The following GRIK4 variants were observed in gnomAD, a reference collection of about 807,000 sequenced individuals.
GRIK4 encodes the protein glutamate receptor ionotropic, kainate 4.
GRIK4 carries 40 observed loss-of-function variants against 104.9 expected under a neutral mutation model. That is an observed-to-expected ratio of 0.38 (90% CI 0.30 to 0.50). The LOEUF (loss-of-function observed/expected upper bound fraction) is 0.50, where lower values mean the gene tolerates loss of function less well. GRIK4 is among the 20% of genes least tolerant of loss of function. GRIK4 has a pLI of 0.93. For missense variants in GRIK4, 1,047 were observed against 1,308.1 expected (o/e 0.80, Z 3.08); for synonymous variants, 485 against 524.9 (o/e 0.92, Z 1.04).
At chr11:120,802,518 A>G (rs1455195137) in intron 3 of GRIK4, among the ~76,000 whole-genome samples, 175 bp from the exon 4 acceptor site, 2 of 152,106 alleles carry the variant, frequency 1.3e-5, no homozygotes, top group Admixed American at 1.3e-4. Flanking sequence ...GCAAACCAAG[A>G]CCCTTAAGCT....
chr11:120,934,874 C>T (rs1422100212), intron 13 of GRIK4, among the ~76,000 whole-genome samples: 1 of 152,106 alleles, frequency 6.6e-6, no homozygotes, highest in Non-Finnish European at 1.5e-5. Context: ...GGAGACCTAC[C>T]CTGTGGCTCT....
intron 1 of GRIK4, among the ~76,000 whole-genome samples, chr11:120,633,153 G>A (rs1381288946): frequency 6.6e-6 from 1 of 152,134 alleles, no homozygotes; most frequent in African/African-American, 2.4e-5. Flanking sequence ...AACATTATAT[G>A]TTCAGTGACA....
chr11:120,862,655 T>C (rs11822985), intron 9 of GRIK4, among the ~76,000 whole-genome samples: 8,453 of 152,074 alleles, frequency 0.056, 750 homozygotes, highest in African/African-American at 0.19. Flanking sequence ...CCAGAATGGC[T>C]CCCTTCTGCC....
intron 3 of GRIK4, among the ~76,000 whole-genome samples, chr11:120,680,594 A>G (rs1428397502): frequency 6.7e-6 from 1 of 149,328 alleles, no homozygotes; most frequent in East Asian, 1.9e-4. Context: ...AGTCAAGTGA[A>G]TGTAGGAATG....
At chr11:120,832,473 A>C (rs1472032740) in intron 7 of GRIK4, among the ~76,000 whole-genome samples, 1 of 152,216 alleles carries the variant, frequency 6.6e-6, no homozygotes, top group Non-Finnish European at 1.5e-5. Flanking sequence ...GACACGGTGC[A>C]CAACAGTTAC....
At position 120,929,863 on chromosome 11, in the gene GRIK4, T is replaced by A. The variant is rs976850728; in HGVS notation, c.1477-10484T>A. On this transcript the variant is annotated intron_variant, in intron 13 of 20. Coordinates refer to ENST00000527524, the MANE Select transcript of GRIK4 (RefSeq NM_014619.5). The stretch of plus-strand genomic sequence containing the variant: ...TCAAGTCCTTAGGTTGGAGGATGTC[T>A]GATCGCATCCACAGCATGACCTGAA... 7.9e-5 allele frequency among the ~76,000 whole-genome samples: 12 copies of A among 152,170 alleles called. 1 individual carries two copies. The highest frequency in any genetic ancestry group is 7.2e-4 in the Admixed American group (11 of 15,282).
intron 1 of GRIK4, among the ~76,000 whole-genome samples, chr11:120,565,040 C>T (rs1431184570): frequency 6.6e-6 from 1 of 152,240 alleles, no homozygotes; most frequent in East Asian, 1.9e-4. Context: ...CCTCGTGCTC[C>T]CGCTGGGGAC....
intron 1 of GRIK4, among the ~76,000 whole-genome samples, chr11:120,603,809 G>A (rs946106517): frequency 6.6e-6 from 1 of 152,108 alleles, no homozygotes; most frequent in South Asian, 2.1e-4. Flanking sequence ...CTACTGGCAC[G>A]TGGTGGGTGG....
At chr11:120,931,747 T>G (rs539947446) in intron 13 of GRIK4, among the ~76,000 whole-genome samples, 1 of 152,310 alleles carries the variant, frequency 6.6e-6, no homozygotes, top group Non-Finnish European at 1.5e-5. Context: ...TAGGAAGAGA[T>G]ATGTGTTAGC....
At position 120,840,235 on chromosome 11, in the gene GRIK4, G is replaced by C. The variant is rs147577775; in HGVS notation, c.744+3391G>C. Among the ~76,000 whole-genome samples the C allele has an allele frequency of 2.5e-3, 374 of 152,356 alleles. 1 individual carries two copies. Among genetic ancestry groups the C allele is most frequent in the African/African-American group, 8.5e-3 (354 of 41,592 alleles). On this transcript the variant is annotated intron_variant, in intron 8 of 20. Coordinates refer to ENST00000527524, the MANE Select transcript of GRIK4 (RefSeq NM_014619.5). ...ACAGGGACAGCCCCTCTCCAGAACAGAGGAGGAAGTCAGTGACAGGAAGTA... is the reference window on the plus strand; with the variant it reads ...ACAGGGACAGCCCCTCTCCAGAACACAGGAGGAAGTCAGTGACAGGAAGTA...
At chr11:120,632,040 G>A (rs1251345348) in intron 1 of GRIK4, among the ~76,000 whole-genome samples, 1 of 152,176 alleles carries the variant, frequency 6.6e-6, no homozygotes, top group African/African-American at 2.4e-5. Context: ...CCACTGCTGT[G>A]GACTGAATGT....
chr11:120,707,216 A>T (rs1402197033), intron 3 of GRIK4, among the ~76,000 whole-genome samples: 1 of 152,212 alleles, frequency 6.6e-6, no homozygotes, highest in African/African-American at 2.4e-5. Context: ...AAGGGAGGCT[A>T]AGTACATGAG....
intron 3 of GRIK4, among the ~76,000 whole-genome samples, chr11:120,713,186 G>A (rs550062239): frequency 6.6e-6 from 1 of 152,314 alleles, no homozygotes; most frequent in South Asian, 2.1e-4. Flanking sequence ...TCCAAGTCAA[G>A]TGTCCCCCTG....
chr11:120,534,692 C>T (rs1947955446), intron 1 of GRIK4, among the ~76,000 whole-genome samples: 1 of 152,160 alleles, frequency 6.6e-6, no homozygotes, highest in African/African-American at 2.4e-5. Context: ...GTCATTGGTG[C>T]TCTTCCTGGG....
intron 1 of GRIK4, among the ~76,000 whole-genome samples, chr11:120,586,052 G>A (rs116284189): frequency 0.015 from 2,265 of 152,306 alleles, 59 homozygotes; most frequent in African/African-American, 0.051. Context: ...ACAGAGGTAA[G>A]AGCTGGAGAT....
intron 1 of GRIK4, among the ~76,000 whole-genome samples, chr11:120,535,477 C>T (rs1007748950): frequency 1.3e-5 from 2 of 151,978 alleles, no homozygotes; most frequent in African/African-American, 4.8e-5. Context: ...GATCCTGGAG[C>T]AGTGCTGAGG....
At chr11:120,841,388 TC>T (rs1369678047) in intron 8 of GRIK4, among the ~76,000 whole-genome samples, 1 of 152,230 alleles carries the variant, frequency 6.6e-6, no homozygotes, top group African/African-American at 2.4e-5. Flanking sequence ...TGTGTTTGGC[TC>T]CGTTTACTTA....
intron 3 of GRIK4, among the ~76,000 whole-genome samples, chr11:120,762,107 C>G (rs2135442123): frequency 6.6e-6 from 1 of 152,188 alleles, no homozygotes; most frequent in African/African-American, 2.4e-5. Flanking sequence ...TGTGTCCTCT[C>G]TTATTTCCTT....
chr11:120,948,483 T>C (rs956826896), intron 14 of GRIK4, among the ~76,000 whole-genome samples: 2 of 152,174 alleles, frequency 1.3e-5, no homozygotes, highest in African/African-American at 2.4e-5. Context: ...TGAGGTGGGA[T>C]TGAGTTCTAA....
Sources: gnomAD v4.1 joint callset for allele counts (sites outside exome capture counted in the v4.1 genomes callset) on GRCh38, gnomAD v4.1.1 for gene constraint, MANE v1.5 for transcripts, NCBI Gene and HGNC (gene_info 2026-07-23, HGNC 2026-07-21) for gene names.